The following AGAP1 variants were observed in gnomAD, a reference collection of about 807,000 sequenced individuals.
AGAP1 encodes the protein ArfGAP with GTPase domain, ankyrin repeat and PH domain 1.
AGAP1 carries 29 observed loss-of-function variants against 105.3 expected under a neutral mutation model. That is an observed-to-expected ratio of 0.28 (90% CI 0.21 to 0.38). AGAP1 has a LOEUF of 0.38. Ranked by LOEUF, AGAP1 falls within the 10% of genes least tolerant of loss-of-function variation. AGAP1 has a pLI of 1.00. For missense variants in AGAP1, 998 were observed against 1,165.1 expected (o/e 0.86, Z 2.09); for synonymous variants, 509 against 485.9 (o/e 1.05, Z -0.63).
At chr2:235,730,477 TAAAA>T (rs11388954) in intron 3 of AGAP1, among the ~76,000 whole-genome samples, 2 of 123,890 alleles carry the variant, frequency 1.6e-5, no homozygotes, top group African/African-American at 6.2e-5. Flanking sequence ...GTTTACCTTT[TAAAA>T]AAAAAAAAAA....
At chr2:235,764,003 G>A (rs1003112127) in intron 6 of AGAP1, among the ~76,000 whole-genome samples, 2 of 152,160 alleles carry the variant, frequency 1.3e-5, no homozygotes, top group Admixed American at 6.5e-5. Context: ...GCTGTGATCC[G>A]TGCGTGGCTG....
chr2:236,040,110 CA>C lies in AGAP1; in HGVS notation c.1801-635del, dbSNP rs2057501270. Among the ~76,000 whole-genome samples, 1 of 151,706 alleles carries C rather than the reference CA, an allele frequency of 6.6e-6. No homozygotes were observed. Among genetic ancestry groups the C allele is most frequent in the Admixed American group, 6.6e-5 (1 of 15,234 alleles). On this transcript the variant is annotated intron_variant, in intron 14 of 17. Transcript: ENST00000304032. This position sits in a 1 kb window ranked among gnomAD's most constrained non-coding sequence, Gnocchi z 5.6. ...TCAGCCACAGAGCGAGACACTGGCTCAAAAAATAATAATAATAAATAAATAA... is the reference window on the plus strand; with the variant it reads ...TCAGCCACAGAGCGAGACACTGGCTCAAAAATAATAATAATAAATAAATAA...
In AGAP1 at chr2:236,021,165, C is replaced by CAA. The variant is rs1226322235; in HGVS notation, c.1646-15378_1646-15377dup. Among the ~76,000 whole-genome samples the CAA allele has an allele frequency of 3.3e-3, 251 of 76,136 alleles. 1 individual carries two copies. The highest frequency in any genetic ancestry group is 6.6e-3 in the African/African-American group (146 of 22,254). The allele number at this position is 76,136 out of a possible 152,430, so 49.9% of individuals were successfully genotyped here. A position where few individuals can be genotyped will look rare whatever the true frequency, so the allele number is the denominator to read the frequency against. ...TGGGCGACAGAGCAAGATTCTGTCT[C>CAA]AAAAAAAAAAAAAAAAAAACTAATA... On this transcript the variant is annotated intron_variant, in intron 13 of 17. Transcript: ENST00000304032.
intron 9 of AGAP1, among the ~76,000 whole-genome samples, chr2:235,880,269 C>T (rs1276641121): frequency 6.6e-6 from 1 of 152,066 alleles, no homozygotes; most frequent in African/African-American, 2.4e-5. Flanking sequence ...GAAAGTACCT[C>T]CCACACGCCA....
In AGAP1 at chr2:235,663,720, G is replaced by A. The variant is rs1226567010; in HGVS notation, c.164-45459G>A. Among the ~76,000 whole-genome samples the A allele has an allele frequency of 6.6e-6, 1 of 152,152 alleles. No individual in the cohort carries two copies. The highest frequency in any genetic ancestry group is 1.5e-5 in the Non-Finnish European group (1 of 68,036). On this transcript the variant is annotated intron_variant, in intron 1 of 17. Coordinates refer to ENST00000304032, the MANE Select transcript of AGAP1 (RefSeq NM_001037131.3). This position sits in a 1 kb window ranked among gnomAD's most constrained non-coding sequence, Gnocchi z 5.4. Reference sequence around the variant, plus strand: ...TTAGGTCATTGTTCTCTGACAGTTCGTGATATTCGTTCCTACTCCAGGAAG... The same window carrying A: ...TTAGGTCATTGTTCTCTGACAGTTCATGATATTCGTTCCTACTCCAGGAAG...
chr2:235,598,371 G>A (rs958229442), intron 1 of AGAP1, among the ~76,000 whole-genome samples: 4 of 152,160 alleles, frequency 2.6e-5, no homozygotes, highest in Admixed American at 2.0e-4. Flanking sequence ...TTATTGCAGT[G>A]TTTAATATTA....
chr2:235,742,540 G>T (rs534305897), intron 4 of AGAP1, among the ~76,000 whole-genome samples: 67 of 152,328 alleles, frequency 4.4e-4, no homozygotes, highest in African/African-American at 1.5e-3. Context: ...CCCATGTTCA[G>T]TGACCGTCTG....
intron 1 of AGAP1, among the ~76,000 whole-genome samples, chr2:235,575,144 CA>C (rs5839599): frequency 0.59 from 89,779 of 151,046 alleles, 28,285 homozygotes; most frequent in African/African-American, 0.82. Context: ...AACAACAAAC[CA>C]AAAAAAAAGG....
chr2:235,797,880 C>T lies in AGAP1; in HGVS notation c.795C>T (p.Ile265=). The T allele has an allele frequency of 6.2e-7, 1 of 1,614,202 alleles. No homozygotes were observed. Among genetic ancestry groups the T allele is most frequent in the Non-Finnish European group, 8.5e-7 (1 of 1,180,024 alleles). ...VCSAQVSAVH[I]SQTSNGGGSL... ...CCGCGCAGGTGTCTGCCGTGCACAT[C>T]AGCCAGGTACGTTAGGTGACATGAG... is the stretch of plus-strand genomic sequence containing the variant. Residue 265 remains isoleucine, a synonymous_variant, in exon 7 of 18, where the codon ATC becomes ATT. Coordinates refer to ENST00000304032, the MANE Select transcript of AGAP1 (RefSeq NM_001037131.3).
rs1329987342 is a variant in AGAP1, at chr2:235,549,447, A to AG, written c.163+54601dup. Among the ~76,000 whole-genome samples, 2 of 152,128 alleles carry AG rather than the reference A, an allele frequency of 1.3e-5. No homozygotes were observed. Among genetic ancestry groups the AG allele is most frequent in the African/African-American group, 4.8e-5 (2 of 41,438 alleles). Reference sequence around the variant, plus strand: ...TGCTGTTGAGGTTGGGAGGCAATGCAGGGTGTTCATCAGCCAGCATGAGAC... The same window carrying AG: ...TGCTGTTGAGGTTGGGAGGCAATGCAGGGGTGTTCATCAGCCAGCATGAGAC... On this transcript the variant is annotated intron_variant, in intron 1 of 17. Transcript: ENST00000304032. This position sits in a 1 kb window ranked among gnomAD's most constrained non-coding sequence, Gnocchi z 4.2.
intron 11 of AGAP1, among the ~76,000 whole-genome samples, chr2:235,925,971 C>T (rs1438350891): frequency 6.6e-6 from 1 of 152,198 alleles, no homozygotes; most frequent in African/African-American, 2.4e-5. Flanking sequence ...AACAGTTGCC[C>T]TCGAGTACTT....
At chr2:235,731,884 C>T (rs1177417590) in intron 3 of AGAP1, among the ~76,000 whole-genome samples, 2 of 152,122 alleles carry the variant, frequency 1.3e-5, no homozygotes, top group Non-Finnish European at 2.9e-5. Flanking sequence ...GGTGGAGGCT[C>T]CTTATCTCTC....
intron 1 of AGAP1, among the ~76,000 whole-genome samples, chr2:235,527,673 C>G (rs1351373447): frequency 6.6e-6 from 1 of 152,164 alleles, no homozygotes; most frequent in Non-Finnish European, 1.5e-5. Flanking sequence ...CCGTAGTGAG[C>G]TGCCGCTCCT....
rs909618155 is a variant in AGAP1, at chr2:235,691,246, G to A, written c.164-17933G>A. Among the ~76,000 whole-genome samples the A allele has an allele frequency of 6.6e-6, 1 of 152,140 alleles. No homozygotes were observed. Among genetic ancestry groups the A allele is most frequent in the Admixed American group, 6.5e-5 (1 of 15,278 alleles). On this transcript the variant is annotated intron_variant, in intron 1 of 17. Coordinates refer to ENST00000304032, the MANE Select transcript of AGAP1 (RefSeq NM_001037131.3). This position sits in a 1 kb window ranked among gnomAD's most constrained non-coding sequence, Gnocchi z 4.4. ...ACCGTCAATCAAGCACATGCGCATA[G>A]GGCTCTGTGCCTGGCCCCAGGACTG...
chr2:235,764,013 G>T (rs552170302), intron 6 of AGAP1, among the ~76,000 whole-genome samples: 2 of 152,184 alleles, frequency 1.3e-5, no homozygotes, highest in South Asian at 2.1e-4. Context: ...GTGCGTGGCT[G>T]TGACCCGTGC....
rs1237796739 is a variant in AGAP1 at position 236,053,966 on chromosome 2, C to T, written c.2114+4685C>T. Among the ~76,000 whole-genome samples the T allele has an allele frequency of 6.6e-6, 1 of 152,166 alleles. No homozygotes were observed. Reference sequence around the variant, plus strand: ...CATTATTTGTAAGTTCACCTCTGTGCCTAAACTCCCTTCTTGTCTTTAACC... The same window carrying T: ...CATTATTTGTAAGTTCACCTCTGTGTCTAAACTCCCTTCTTGTCTTTAACC... On this transcript the variant is annotated intron_variant, in intron 16 of 17. Coordinates refer to ENST00000304032, the MANE Select transcript of AGAP1 (RefSeq NM_001037131.3). The surrounding 1 kb of genome is among the most constrained non-coding windows in gnomAD (Gnocchi z 4.6).
chr2:236,020,939 G>A lies in AGAP1; in HGVS notation c.1646-15622G>A, dbSNP rs1251533219. On this transcript the variant is annotated intron_variant, in intron 13 of 17. Coordinates refer to ENST00000304032, the MANE Select transcript of AGAP1 (RefSeq NM_001037131.3). The surrounding 1 kb of genome is among the most constrained non-coding windows in gnomAD (Gnocchi z 5.0). ...CCAGCACTTTGGGAGGTCAAGGTGG[G>A]TGGATCACTTGAGGTCAGACATTCG... Among the ~76,000 whole-genome samples, 1 of 152,098 alleles carries A rather than the reference G, an allele frequency of 6.6e-6. No individual in the cohort carries two copies. Among genetic ancestry groups the A allele is most frequent in the South Asian group, 2.1e-4 (1 of 4,816 alleles).
rs545400628 is a variant in AGAP1 at position 235,610,728 on chromosome 2, C to T, written c.164-98451C>T. On this transcript the variant is annotated intron_variant, in intron 1 of 17. Transcript: ENST00000304032. The surrounding 1 kb of genome is among the most constrained non-coding windows in gnomAD (Gnocchi z 4.9). ...GCCATCCTCAAACGCACTGTGCTCC[C>T]GTGAGCTCCCTGCCCTGGAGTGGAA... Among the ~76,000 whole-genome samples the T allele has an allele frequency of 1.4e-4, 21 of 152,244 alleles. No homozygotes were observed. Among genetic ancestry groups the T allele is most frequent in the African/African-American group, 4.3e-4 (18 of 41,554 alleles).
intron 3 of AGAP1, among the ~76,000 whole-genome samples, chr2:235,722,389 GAC>G (rs1383199932): frequency 6.6e-6 from 1 of 152,092 alleles, no homozygotes; most frequent in African/African-American, 2.4e-5. Flanking sequence ...TCCTAATCAT[GAC>G]CTGTGGCTGG....
Sources: gnomAD v4.1 joint callset for allele counts (sites outside exome capture counted in the v4.1 genomes callset) on GRCh38, gnomAD v4.1.1 for gene constraint, Gnocchi (gnomAD v3.1) non-coding constraint, MANE v1.5 for transcripts, NCBI Gene and HGNC (gene_info 2026-07-23, HGNC 2026-07-21) for gene names.